The following SRGAP2C variants were observed in gnomAD, a reference collection of about 807,000 sequenced individuals.
The protein encoded by SRGAP2C is SLIT-ROBO Rho GTPase-activating protein 2C.
SRGAP2C carries 15 observed loss-of-function variants against 25.1 expected under a neutral mutation model. That is an observed-to-expected ratio of 0.60 (90% CI 0.40 to 0.92). SRGAP2C has a LOEUF of 0.92. Ranked by LOEUF, SRGAP2C falls within the 40% of genes least tolerant of loss-of-function variation. The pLI, the probability that SRGAP2C is intolerant of heterozygous loss-of-function variation, is 0.00. For missense variants in SRGAP2C, 144 were observed against 264.4 expected, an observed-to-expected ratio of 0.54 and a Z score of 3.16; for synonymous variants, 44 against 96.6, an observed-to-expected ratio of 0.46 and a Z score of 3.19.
intron 4 of SRGAP2C, among the ~76,000 whole-genome samples, chr1:121,347,505 C>G (rs1398098225): frequency 6.7e-6 from 1 of 150,320 alleles, no homozygotes; most frequent in Non-Finnish European, 1.5e-5. Flanking sequence ...AAAAACATAC[C>G]ACAGAGCTAG....
intron 3 of SRGAP2C, among the ~76,000 whole-genome samples, chr1:121,285,404 T>TCTCTCACACACACACACACA (rs1553336851): frequency 5.6e-5 from 7 of 124,476 alleles, no homozygotes; most frequent in African/African-American, 1.8e-4. Flanking sequence ...TCTCTCTCTC[T>TCTCTCACACACACACACACA]CACACACACA....
At chr1:121,316,882 A>G (rs1288766622) in intron 3 of SRGAP2C, among the ~76,000 whole-genome samples, 12 of 150,192 alleles carry the variant, frequency 8.0e-5, no homozygotes, top group Non-Finnish European at 8.9e-5. Context: ...GATTGTACCA[A>G]GAGGGTTTAA....
At chr1:121,190,044 TGAA>T (rs1458010187) in intron 2 of SRGAP2C, among the ~76,000 whole-genome samples, 1 of 151,116 alleles carries the variant, frequency 6.6e-6, no homozygotes, top group Non-Finnish European at 1.5e-5. Flanking sequence ...CATACAGCTG[TGAA>T]GAAGAAAAAG....
Position 121,389,033 on chromosome 1 carries a change from CT to C in SRGAP2C, c.*1179del, listed in dbSNP as rs1660010397. The C allele has an allele frequency of 1.3e-5, 2 of 150,410 alleles. No homozygotes were observed. Among genetic ancestry groups the C allele is most frequent in the Non-Finnish European group, 3.0e-5 (2 of 67,576 alleles). The allele number at this position is 150,410 out of a possible 1,614,324, so 9.3% of individuals were successfully genotyped here. A position where few individuals can be genotyped will look rare whatever the true frequency, so the allele number is the denominator to read the frequency against. On this transcript the variant is annotated 3_prime_UTR_variant, in exon 10 of 10. Transcript: ENST00000367123. The stretch of plus-strand genomic sequence containing the variant: ...AATATATTCCTTTCTAATCTGTTTT[CT>C]ATGCATGCACAAACACATATGTGAG...
intron 3 of SRGAP2C, among the ~76,000 whole-genome samples, chr1:121,291,156 T>A (rs1406357256): frequency 7.9e-6 from 1 of 126,016 alleles, no homozygotes; most frequent in Non-Finnish European, 1.7e-5. Flanking sequence ...TAGGAATATA[T>A]TCAGAAGGTA....
chr1:121,239,200 A>C (rs1656039544), intron 2 of SRGAP2C, among the ~76,000 whole-genome samples: 1 of 3,856 alleles, frequency 2.6e-4, no homozygotes, highest in Non-Finnish European at 3.6e-4. Context: ...ATATATATAT[A>C]TATATATATA....
chr1:121,377,147 C>G (rs1378141400), intron 7 of SRGAP2C, among the ~76,000 whole-genome samples: 11 of 139,018 alleles, frequency 7.9e-5, no homozygotes, highest in African/African-American at 3.0e-4. Flanking sequence ...CCTAATTTCA[C>G]AGGATGTGGT....
At chr1:121,357,214 GA>G (rs1659084483) in intron 4 of SRGAP2C, among the ~76,000 whole-genome samples, 1 of 140,866 alleles carries the variant, frequency 7.1e-6, no homozygotes, top group Non-Finnish European at 1.5e-5. Context: ...AAGCCGTAAG[GA>G]AATGGCTTTC....
At chr1:121,259,463 G>A (rs1439987983) in intron 2 of SRGAP2C, among the ~76,000 whole-genome samples, 1 of 94,346 alleles carries the variant, frequency 1.1e-5, no homozygotes, top group Non-Finnish European at 2.2e-5. Context: ...CTGGGTGACA[G>A]AGTGAGACTG....
chr1:121,306,145 G>T (rs1432272060), intron 3 of SRGAP2C, among the ~76,000 whole-genome samples: 3 of 151,718 alleles, frequency 2.0e-5, no homozygotes, highest in African/African-American at 7.3e-5. Context: ...TAATTCACCA[G>T]CTTGCAAATA....
At chr1:121,236,609 T>C (rs1431717071) in intron 2 of SRGAP2C, among the ~76,000 whole-genome samples, 1 of 152,198 alleles carries the variant, frequency 6.6e-6, no homozygotes, top group African/African-American at 2.4e-5. Flanking sequence ...ATCTGGTCTT[T>C]AATGATTTAC....
At chr1:121,375,036 C>G in intron 7 of SRGAP2C, 82 bp downstream of exon 7, 2 of 690,788 alleles carry the variant, frequency 2.9e-6, no homozygotes, top group Non-Finnish European at 2.7e-6. Context: ...TACTATTGTT[C>G]AGGAATCTGG....
At chr1:121,350,838 A>T (rs1658885644) in intron 4 of SRGAP2C, among the ~76,000 whole-genome samples, 1 of 150,354 alleles carries the variant, frequency 6.7e-6, no homozygotes, top group Non-Finnish European at 1.5e-5. Context: ...GTATTTTCAA[A>T]TCATATATCT....
chr1:121,370,696 G>C (rs1327296647), intron 5 of SRGAP2C, among the ~76,000 whole-genome samples: 1 of 151,864 alleles, frequency 6.6e-6, no homozygotes, highest in Non-Finnish European at 1.5e-5. Flanking sequence ...CGCCCACCTG[G>C]GCCTCCCAAA....
At chr1:121,255,386 T>C (rs1656435003) in intron 2 of SRGAP2C, among the ~76,000 whole-genome samples, 1 of 151,806 alleles carries the variant, frequency 6.6e-6, no homozygotes, top group Non-Finnish European at 1.5e-5. Context: ...GTGTAGACGT[T>C]GTGGGACCAG....
chr1:121,362,673 G>A (rs1316315310), intron 4 of SRGAP2C: 2 of 151,934 alleles, frequency 1.3e-5, no homozygotes, highest in Admixed American at 6.6e-5. Context: ...GCAGGGCGGT[G>A]GGAAGTGATA....
chr1:121,368,560 T>A lies in SRGAP2C; in HGVS notation c.486+3205T>A, dbSNP rs587607204. 2.6e-5 allele frequency among the ~76,000 whole-genome samples: 4 copies of A among 152,044 alleles called. No individual in the cohort carries two copies. The South Asian group carries it at 8.3e-4, about 32-fold the overall frequency. On this transcript the variant is annotated intron_variant, in intron 5 of 9. Transcript: ENST00000367123. ...AAGAGTTTCCTGGGACATGAAATTG[T>A]CAGTGCTGAAACTGGAAAAGTTCGA...
intron 4 of SRGAP2C, among the ~76,000 whole-genome samples, chr1:121,338,554 T>C (rs1460098425): frequency 6.9e-6 from 1 of 144,424 alleles, no homozygotes; most frequent in Non-Finnish European, 1.5e-5. Context: ...TTTTTTGTTT[T>C]GTTTTCTTTT....
intron 5 of SRGAP2C, among the ~76,000 whole-genome samples, chr1:121,367,991 G>A (rs1179941928): frequency 1.8e-5 from 2 of 112,894 alleles, no homozygotes; most frequent in African/African-American, 3.6e-5. Flanking sequence ...CAGGAGAATG[G>A]CGTGAACCTG....
Sources: gnomAD v4.1 joint callset for allele counts (sites outside exome capture counted in the v4.1 genomes callset) on GRCh38, gnomAD v4.1.1 for gene constraint, MANE v1.5 for transcripts, NCBI Gene and HGNC (gene_info 2026-07-23, HGNC 2026-07-21) for gene names.